The following AMZ2 variants were observed in gnomAD, a reference collection of about 807,000 sequenced individuals.
AMZ2 encodes archaemetzincin-2.
In AMZ2, 26 loss-of-function variants were observed where a neutral mutation model predicts 36.7. The ratio of observed to expected loss-of-function variants is 0.71; its 90% CI spans 0.52 to 0.98. AMZ2 has a LOEUF of 0.98. Among genes scored for constraint, AMZ2 ranks in the 50% least tolerant of loss-of-function variants. The pLI, the probability that AMZ2 is intolerant of heterozygous loss-of-function variation, is 0.00. For synonymous variants in AMZ2, 144 were observed against 149.1 expected (o/e 0.97, Z 0.25); for missense variants, 394 against 430.5 (o/e 0.92, Z 0.75).
chr17:68,224,428 C>T, intron 1 of AMZ2, among the ~76,000 whole-genome samples: 1 of 152,174 alleles, frequency 6.6e-6, no homozygotes, highest in East Asian at 1.9e-4. Context: ...ATGCCAGCCT[C>T]TCTGCGTGTT....
chr17:68,219,437 C>T (rs1212220039), intron 1 of AMZ2, among the ~76,000 whole-genome samples: 2 of 152,246 alleles, frequency 1.3e-5, no homozygotes, highest in Non-Finnish European at 2.9e-5. Flanking sequence ...AATTGCTATG[C>T]ATCCTGGGCT....
chr17:68,254,518 A>G lies in AMZ2; in HGVS notation c.701A>G (p.Asn234Ser). ...TCAAGTGACTATTCAATTTTCGACAACTATTATATTCCAGAAATAACTAGT... is the reference window on the plus strand; with the variant it reads ...TCAAGTGACTATTCAATTTTCGACAGCTATTATATTCCAGAAATAACTAGT... ...TSSSDYSIFD[N>S]YYIPEITSVL... Residue 234 changes from asparagine to serine, a missense_variant, in exon 5 of 7, where the codon AAC (asparagine) becomes AGC (serine). Coordinates refer to ENST00000359904, the MANE Select transcript of AMZ2 (RefSeq NM_016627.5). 6.2e-7 allele frequency: 1 copy of G among 1,613,402 alleles called. No homozygotes were observed.
chr17:68,206,374 G>C lies in AMZ2; in HGVS notation c.-67+136G>C, dbSNP rs143652967. The C allele has an allele frequency of 1.5e-3, 1,461 of 959,282 alleles. 14 individuals are homozygous for C. In the East Asian group the frequency reaches 0.027, roughly 18 times the overall value. 59.4% of individuals were successfully genotyped at this position (959,282 alleles called of 1,614,324 possible). A position where few individuals can be genotyped will look rare whatever the true frequency, so the allele number is the denominator to read the frequency against. ...CCCCCCAAACAGAGGGGAAATGCGA[G>C]GGCACATCAAGTGGCAAAAAACTAG... On this transcript the variant is annotated intron_variant, in intron 1 of 7. Coordinates refer to the AMZ2 transcript ENST00000674770.
chr17:68,215,998 G>A (rs1555727151), intron 1 of AMZ2, among the ~76,000 whole-genome samples: 1 of 152,166 alleles, frequency 6.6e-6, no homozygotes, highest in African/African-American at 2.4e-5. Flanking sequence ...GTTGTGATAA[G>A]TTAGTAACAG....
rs1599397493 is a variant in AMZ2, at chr17:68,248,265, G to T, written c.-441G>T. 1 of 985,892 alleles carries T rather than the reference G, an allele frequency of 1.0e-6. No homozygotes were observed. The highest frequency in any genetic ancestry group is 1.1e-4 in the East Asian group (1 of 8,806). The allele number at this position is 985,892 out of a possible 1,614,324, so 61.1% of individuals were successfully genotyped here. On this transcript the variant is annotated 5_prime_UTR_variant, in exon 1 of 7. Coordinates refer to ENST00000359904, the MANE Select transcript of AMZ2 (RefSeq NM_016627.5). ...AAGCCGCGGGGTCCGCGGGGTCGGT[G>T]CCTCTAGGGAGCCAGGGAGGCCTTT...
chr17:68,249,968 C>G, intron 1 of AMZ2: 1 of 549,992 alleles, frequency 1.8e-6, no homozygotes, highest in Non-Finnish European at 3.2e-6. Context: ...GGAGCAGGTT[C>G]CATATGAGAT....
exon 1 of AMZ2, chr17:68,206,225 C>T: frequency 7.7e-7 from 1 of 1,303,012 alleles, no homozygotes; most frequent in South Asian, 3.2e-5. Flanking sequence ...ATAGTACCTA[C>T]AGCAGCACTC....
At chr17:68,215,343 A>G (rs1173982672) in intron 1 of AMZ2, among the ~76,000 whole-genome samples, 2 of 133,902 alleles carry the variant, frequency 1.5e-5, no homozygotes, top group Admixed American at 7.3e-5. Context: ...TTGTTTTAAC[A>G]TTTCACTGTT....
At position 68,256,869 on chromosome 17, in the gene AMZ2, AAC is replaced by A. The variant is rs2074947494; in HGVS notation, c.987_988del (p.His329GlnfsTer5). 1 of 1,614,084 alleles carries A rather than the reference AAC, an allele frequency of 6.2e-7. No individual in the cohort carries two copies. ...TCTGACACACCTGGAGCAACTCCAGAACACAGTCACGAGGATAATGGGAATTT... is the reference window on the plus strand; with the variant it reads ...TCTGACACACCTGGAGCAACTCCAGAACAGTCACGAGGATAATGGGAATTT... On this transcript the variant is annotated frameshift_variant, in exon 7 of 7. Coordinates refer to ENST00000359904, the MANE Select transcript of AMZ2 (RefSeq NM_016627.5). LOFTEE classifies it high-confidence loss of function.
chr17:68,241,907 TC>T (rs67627922), intron 1 of AMZ2, among the ~76,000 whole-genome samples: 11,438 of 141,122 alleles, frequency 0.081, 615 homozygotes, highest in Non-Finnish European at 0.11. Context: ...TTTTTCTTTT[TC>T]TTTTTTTTTT....
chr17:68,224,364 A>G (rs527372742), intron 1 of AMZ2, among the ~76,000 whole-genome samples: 10 of 152,304 alleles, frequency 6.6e-5, no homozygotes, highest in African/African-American at 2.4e-4. Flanking sequence ...CATAAGAGGG[A>G]CTTGGATTCA....
At chr17:68,224,556 T>C in intron 1 of AMZ2, among the ~76,000 whole-genome samples, 1 of 151,424 alleles carries the variant, frequency 6.6e-6, no homozygotes, top group African/African-American at 2.4e-5. Flanking sequence ...TTTTTTTTTT[T>C]TTCCCTAGAG....
chr17:68,251,252 A>G (rs2074447290), intron 4 of AMZ2, 74 bp downstream of exon 4: 1 of 1,508,900 alleles, frequency 6.6e-7, no homozygotes. Flanking sequence ...AAGAGGGAAA[A>G]AATTCCAACC....
chr17:68,217,927 C>T (rs2073242585), intron 1 of AMZ2, among the ~76,000 whole-genome samples: 1 of 151,790 alleles, frequency 6.6e-6, no homozygotes, highest in African/African-American at 2.4e-5. Context: ...ATTCTCCTGC[C>T]TCAGCCTCCT....
chr17:68,251,094 T>G lies in AMZ2; in HGVS notation c.502T>G (p.Phe168Val). 1 of 1,613,230 alleles carries G rather than the reference T, an allele frequency of 6.2e-7. No individual in the cohort carries two copies. The highest frequency in any genetic ancestry group is 8.5e-7 in the Non-Finnish European group (1 of 1,179,804). ...FLKKKKPEDA[F>V]CVVGITMIDL... ...GAAAAAGAAGAAACCTGAAGATGCC[T>G]TCTGTGTTGTGGGAATAACAATGAT... Residue 168 changes from phenylalanine to valine, a missense_variant, in exon 4 of 7, where the codon TTC (phenylalanine) becomes GTC (valine). Transcript: ENST00000359904.
intron 1 of AMZ2, among the ~76,000 whole-genome samples, chr17:68,224,558 T>TTC (rs58534289): frequency 8.2e-5 from 12 of 146,946 alleles, no homozygotes; most frequent in South Asian, 4.2e-4. Context: ...TTTTTTTTTT[T>TTC]CCCTAGAGAC....
intron 1 of AMZ2, among the ~76,000 whole-genome samples, chr17:68,216,946 TG>T (rs2073211547): frequency 6.7e-6 from 1 of 149,244 alleles, no homozygotes; most frequent in South Asian, 2.1e-4. Flanking sequence ...AGCAGGAGAA[TG>T]GTGTGAACCC....
At chr17:68,253,865 G>A (rs141364452) in intron 4 of AMZ2, among the ~76,000 whole-genome samples, 1,767 of 151,284 alleles carry the variant, frequency 0.012, 36 homozygotes, top group African/African-American at 0.04. Flanking sequence ...CCATTCTCCC[G>A]CCTCAGCCTC....
chr17:68,246,435 C>T (rs1555735511), upstream of AMZ2, among the ~76,000 whole-genome samples: 1 of 152,114 alleles, frequency 6.6e-6, no homozygotes, highest in Admixed American at 6.6e-5. Flanking sequence ...AAGTAGTTGA[C>T]ACAGGTCCCA....
Sources: allele counts gnomAD v4.1 joint callset (sites outside exome capture counted in the v4.1 genomes callset), GRCh38; gene constraint gnomAD v4.1.1; transcripts MANE v1.5; gene names NCBI Gene and HGNC (gene_info 2026-07-23, HGNC 2026-07-21).